Variants in KANTR observed in about 807,000 individuals in gnomAD.
KANTR encodes the protein KANTR integral membrane protein.
intron 2 of KANTR, chrX:53,113,149 TC>T: frequency 3.7e-6 from 1 of 273,375 alleles, no homozygotes; most frequent in African/African-American, 2.8e-5. Context: ...AGCAGTCAAT[TC>T]CAGCCATCAG....
At chrX:53,119,305 C>T (rs781850927) in intron 2 of KANTR, among the ~76,000 whole-genome samples, 13 of 111,355 alleles carry the variant, frequency 1.2e-4, no homozygotes, top group Non-Finnish European at 1.7e-4. Context: ...TGAACAAATC[C>T]ATCTTTTCTG....
At chrX:53,138,420 T>G (rs1374534760) in intron 2 of KANTR, among the ~76,000 whole-genome samples, 3 of 106,371 alleles carry the variant, frequency 2.8e-5, no homozygotes, top group African/African-American at 1.0e-4. Context: ...CCCAGCACTT[T>G]GGGAGGCTGA....
intron 2 of KANTR, among the ~76,000 whole-genome samples, chrX:53,140,991 G>A (rs782123245): frequency 1.8e-5 from 2 of 110,720 alleles, no homozygotes; most frequent in Admixed American, 9.6e-5. Context: ...ATGAAGCCCC[G>A]TCTCTACTAA....
At chrX:53,146,140 C>A (rs1277618993), downstream of KANTR, among the ~76,000 whole-genome samples, 4 of 112,310 alleles carry the variant, frequency 3.6e-5, no homozygotes, top group East Asian at 1.1e-3. Context: ...TGGAACAAAG[C>A]TGGATGGAGA....
chrX:53,095,178 C>A (rs1932837312), intron 1 of KANTR, among the ~76,000 whole-genome samples: 1 of 112,089 alleles, frequency 8.9e-6, no homozygotes. Flanking sequence ...AAGTTGGGAG[C>A]AACTTAGATT....
At chrX:53,115,653 G>T (rs1204195471) in intron 2 of KANTR, among the ~76,000 whole-genome samples, 4 of 113,193 alleles carry the variant, frequency 3.5e-5, no homozygotes, top group Non-Finnish European at 7.5e-5. Flanking sequence ...GACTGGGGCA[G>T]CCCTAGTGTT....
chrX:53,104,655 G>A (rs782820637), intron 2 of KANTR, among the ~76,000 whole-genome samples: 2 of 111,065 alleles, frequency 1.8e-5, no homozygotes, highest in African/African-American at 3.3e-5. Flanking sequence ...AAATTAGATC[G>A]TACAAGATAC....
chrX:53,120,244 C>T (rs143760697), intron 2 of KANTR, among the ~76,000 whole-genome samples: 46 of 111,105 alleles, frequency 4.1e-4, no homozygotes, highest in African/African-American at 1.5e-3. Context: ...CCATGTTCCC[C>T]CAGCTGGTCT....
intron 2 of KANTR, among the ~76,000 whole-genome samples, chrX:53,104,415 C>T (rs947249685): frequency 3.7e-5 from 4 of 109,469 alleles, no homozygotes; most frequent in African/African-American, 1.0e-4. Flanking sequence ...TTAGTAGAGA[C>T]GGGGTTTTGC....
chrX:53,139,220 CAA>C (rs200871442), intron 2 of KANTR, among the ~76,000 whole-genome samples: 2,245 of 79,245 alleles, frequency 0.028, 22 homozygotes, highest in African/African-American at 0.07. Flanking sequence ...GACTCCGTCT[CAA>C]AAAAAAAAAA....
chrX:53,113,173 G>C, intron 2 of KANTR: 1 of 243,841 alleles, frequency 4.1e-6, no homozygotes, highest in South Asian at 6.2e-5. Flanking sequence ...CGTGGCTGTA[G>C]GGGAAGATTG....
downstream of KANTR, among the ~76,000 whole-genome samples, chrX:53,129,804 A>G (rs1933338850): frequency 9.1e-6 from 1 of 110,257 alleles, no homozygotes; most frequent in Non-Finnish European, 1.9e-5. Context: ...TGTCGCTCTG[A>G]TGACATTAAA....
intron 2 of KANTR, among the ~76,000 whole-genome samples, chrX:53,110,556 A>T (rs1556813558): frequency 1.8e-5 from 2 of 111,956 alleles, no homozygotes; most frequent in Non-Finnish European, 3.8e-5. Context: ...TCTGTTCATC[A>T]GGGATATTGG....
chrX:53,098,578 G>A, intron 1 of KANTR, among the ~76,000 whole-genome samples: 1 of 112,058 alleles, frequency 8.9e-6, no homozygotes, highest in East Asian at 2.8e-4. Flanking sequence ...CTCAAACCCT[G>A]CTACTACTTT....
intron 2 of KANTR, among the ~76,000 whole-genome samples, chrX:53,136,277 C>T (rs1285665133): frequency 5.4e-5 from 6 of 111,115 alleles, no homozygotes; most frequent in South Asian, 3.8e-4. Flanking sequence ...TTGCTCTTGT[C>T]GCCCAGGCTG....
intron 2 of KANTR, among the ~76,000 whole-genome samples, chrX:53,136,721 TATATATATATTTTG>T (rs1933429113): frequency 2.1e-5 from 1 of 47,316 alleles, no homozygotes; most frequent in African/African-American, 5.5e-5. Context: ...TATATATATA[TATATATATATTTTG>T]TTTGTTTGTT....
downstream of KANTR, among the ~76,000 whole-genome samples, chrX:53,144,247 C>A (rs782802498): frequency 9.0e-6 from 1 of 111,197 alleles, no homozygotes; most frequent in South Asian, 3.8e-4. Context: ...ATTCAAAAAT[C>A]AGCCAAGCAT....
chrX:53,121,466 T>TAAAAA, intron 2 of KANTR, among the ~76,000 whole-genome samples: 1 of 112,009 alleles, frequency 8.9e-6, no homozygotes, highest in Non-Finnish European at 1.9e-5. Flanking sequence ...CATCAGACTT[T>TAAAAA]ACATGGCTTT....
At chrX:53,116,863 A>G (rs145067208) in intron 2 of KANTR, among the ~76,000 whole-genome samples, 1 of 111,643 alleles carries the variant, frequency 9.0e-6, no homozygotes, top group East Asian at 2.8e-4. Context: ...TTCATCTCAC[A>G]TGCCTTTGCA....
Sources: allele counts gnomAD v4.1 joint callset (sites outside exome capture counted in the v4.1 genomes callset), GRCh38; gene constraint gnomAD v4.1.1; transcripts MANE v1.5; gene names NCBI Gene and HGNC (gene_info 2026-07-23, HGNC 2026-07-21).